ZSCAN12: variants seen among roughly 807,000 people sequenced by gnomAD.
ZSCAN12 encodes the protein zinc finger and SCAN domain-containing protein 12.
In ZSCAN12, 18 loss-of-function variants were observed where a neutral mutation model predicts 23.4. The ratio of observed to expected loss-of-function variants is 0.77; its 90% CI spans 0.53 to 1.14. ZSCAN12 has a LOEUF of 1.14. Ranked by LOEUF, ZSCAN12 falls within the 50% of genes most tolerant of loss-of-function variation. The pLI, the probability that ZSCAN12 is intolerant of heterozygous loss-of-function variation, is 0.00. For synonymous variants in ZSCAN12, 186 were observed against 253.4 expected, an observed-to-expected ratio of 0.73 and a Z score of 2.53; for missense variants, 650 against 735.0, an observed-to-expected ratio of 0.88 and a Z score of 1.34.
intron 1 of ZSCAN12, 23 bp downstream of exon 1, chr6:28,399,634 G>C (rs973905311): frequency 3.3e-5 from 5 of 152,554 alleles, no homozygotes; most frequent in African/African-American, 1.2e-4. Flanking sequence ...TGCTCGCAGC[G>C]TACAGAGCAC....
downstream of ZSCAN12, among the ~76,000 whole-genome samples, chr6:28,383,132 T>A (rs1182969279): frequency 1.1e-5 from 1 of 91,716 alleles, no homozygotes; most frequent in Admixed American, 1.1e-4. Context: ...AGGTGGATTC[T>A]GTCTTTTCTT....
chr6:28,390,787 CTTATCACAT>C lies in ZSCAN12; in HGVS notation c.1494_1502del (p.Asp500_Cys502del). ...ATCTTTGAGTAAACGCCTTCCCACA[CTTATCACAT>C]TTATAGGGTCTTTCTCCAGTGTGAA... On this transcript the variant is annotated inframe_deletion, in exon 4 of 4. Transcript: ENST00000684592. The C allele has an allele frequency of 8.1e-6, 13 of 1,603,236 alleles. No individual in the cohort carries two copies. Among genetic ancestry groups the C allele is most frequent in the Non-Finnish European group, 1.1e-5 (13 of 1,174,366 alleles).
rs1160495082 is a variant in ZSCAN12, at chr6:28,399,652, C to T, written c.-69+5G>A. The T allele has an allele frequency of 6.6e-6, 1 of 152,578 alleles. No individual in the cohort carries two copies. The highest frequency in any genetic ancestry group is 1.5e-5 in the Non-Finnish European group (1 of 68,316). The allele number at this position is 152,578 out of a possible 1,614,324, so 9.5% of individuals were successfully genotyped here. ...TCGCAGCGTACAGAGCACAACATCG[C>T]TCACCTGCGGCCCCCAGGGCCAGAA... On this transcript the variant is annotated splice_donor_5th_base_variant and intron_variant, in intron 1 of 3. Transcript: ENST00000684592.
Position 28,386,124 on chromosome 6 carries a change from G to A in ZSCAN12, c.*4330C>T, listed in dbSNP as rs1232828572. ...GGAATCAGTTTGATTGTCAGGTTAC[G>A]TTTTCATTCATAGCCCGTGTTGAAA... On this transcript the variant is annotated 3_prime_UTR_variant, in exon 4 of 4. Coordinates refer to ENST00000684592, the MANE Select transcript of ZSCAN12 (RefSeq NM_001163391.2). 1.3e-5 allele frequency among the ~76,000 whole-genome samples: 2 copies of A among 152,082 alleles called. No homozygotes were observed. Among genetic ancestry groups the A allele is most frequent in the African/African-American group, 2.4e-5 (1 of 41,386 alleles).
At chr6:28,399,522 CT>C (rs1761305515) in intron 1 of ZSCAN12, 134 bp downstream of exon 1, 1 of 152,424 alleles carries the variant, frequency 6.6e-6, no homozygotes, top group African/African-American at 2.4e-5. Flanking sequence ...GGAGGGAGAG[CT>C]TCCCGCGGAT....
At chr6:28,381,192 AG>A (rs1760216689), downstream of ZSCAN12, 2 of 152,260 alleles carry the variant, frequency 1.3e-5, no homozygotes, top group Non-Finnish European at 2.9e-5. Flanking sequence ...CTGAGAAACA[AG>A]GAATATCATG....
rs1465794292 is a variant in ZSCAN12 at position 28,390,560 on chromosome 6, C to CT, written c.1729dup (p.Arg577LysfsTer8). 1 of 1,582,572 alleles carries CT rather than the reference C, an allele frequency of 6.3e-7. No homozygotes were observed. The highest frequency in any genetic ancestry group is 1.8e-5 in the Admixed American group (1 of 54,452). ...CTCTTTACATACATAGGTACCACGTCTATTATGGATTCTCTGGTGTTTACT... is the reference window on the plus strand; with the variant it reads ...CTCTTTACATACATAGGTACCACGTCTTATTATGGATTCTCTGGTGTTTACT... On this transcript the variant is annotated frameshift_variant, in exon 4 of 4. Coordinates refer to ENST00000684592, the MANE Select transcript of ZSCAN12 (RefSeq NM_001163391.2). LOFTEE classifies it low-confidence loss of function (END_TRUNC).
At position 28,389,804 on chromosome 6, in the gene ZSCAN12, G is replaced by A. The variant is rs1760724606; in HGVS notation, c.*650C>T. On this transcript the variant is annotated 3_prime_UTR_variant, in exon 4 of 4. Coordinates refer to ENST00000684592, the MANE Select transcript of ZSCAN12 (RefSeq NM_001163391.2). ...TGGAGAATGCTTTTGATTTACCAAG[G>A]TATTTTAGGAATTGAGAAAAGTGCT... Among the ~76,000 whole-genome samples the A allele has an allele frequency of 6.6e-6, 1 of 152,160 alleles. No individual in the cohort carries two copies. The highest frequency in any genetic ancestry group is 6.5e-5 in the Admixed American group (1 of 15,268).
At position 28,390,479 on chromosome 6, in the gene ZSCAN12, T is replaced by C; in HGVS notation, c.1811A>G (p.Lys604Arg). Residue 604 changes from lysine to arginine, a missense_variant, in exon 4 of 4, where the codon AAA becomes AGA. Lys to Arg is a conservative substitution (Grantham distance 26). Transcript: ENST00000684592. ...SALTQHQTIH[K>R]GEKSVSV is the part of the protein sequence containing the mutation. ...TCACACAGAAACAGATTTTTCTCCTTTGTGGATAGTCTGATGTTGAGTAAG... is the reference window on the plus strand; with the variant it reads ...TCACACAGAAACAGATTTTTCTCCTCTGTGGATAGTCTGATGTTGAGTAAG... 2 of 1,547,056 alleles carry C rather than the reference T, an allele frequency of 1.3e-6. No individual in the cohort carries two copies. Among genetic ancestry groups the C allele is most frequent in the Non-Finnish European group, 1.7e-6 (2 of 1,144,990 alleles).
At chr6:28,398,702 G>T (rs913313152) in intron 1 of ZSCAN12, among the ~76,000 whole-genome samples, 1 of 150,554 alleles carries the variant, frequency 6.6e-6, no homozygotes, top group Non-Finnish European at 1.5e-5. Flanking sequence ...CGGATCACGA[G>T]GTCAGGAGAT....
chr6:28,396,766 G>A (rs1006517699), intron 2 of ZSCAN12, among the ~76,000 whole-genome samples: 1 of 151,886 alleles, frequency 6.6e-6, no homozygotes, highest in African/African-American at 2.4e-5. Flanking sequence ...TGCCACACCC[G>A]GCTGACTTTT....
downstream of ZSCAN12, chr6:28,381,210 A>G (rs887774854): frequency 6.6e-6 from 1 of 152,262 alleles, no homozygotes; most frequent in Non-Finnish European, 1.5e-5. Flanking sequence ...CATGAAACCA[A>G]GAGAAAGTTT....
rs984066787 is a variant in ZSCAN12 at position 28,386,920 on chromosome 6, C to A, written c.*3534G>T. On this transcript the variant is annotated 3_prime_UTR_variant, in exon 4 of 4. Coordinates refer to ENST00000684592, the MANE Select transcript of ZSCAN12 (RefSeq NM_001163391.2). The stretch of plus-strand genomic sequence containing the variant: ...TCAGCTCACTGCAACCTCCACCTCC[C>A]GGATTCAAGCGATTCTCCTGCCTCA... Among the ~76,000 whole-genome samples the A allele has an allele frequency of 4.6e-5, 7 of 152,178 alleles. No homozygotes were observed. The highest frequency in any genetic ancestry group is 3.9e-4 in the East Asian group (2 of 5,184).
rs1255862195 is a variant in ZSCAN12 at position 28,390,876 on chromosome 6, C to G, written c.1414G>C (p.Asp472His). The G allele has an allele frequency of 3.8e-6, 6 of 1,574,482 alleles. No individual in the cohort carries two copies. The Admixed American group carries it at 9.4e-5, about 25-fold the overall frequency. ...IHTGEKPYKC[D>H]VCEKAFIQRT... ...TGAATAAAGGCTTTTTCACATACGT[C>G]ACATTTGTAGGGTTTTTCCCCAGTG... Residue 472 changes from aspartate (D) to histidine (H), a missense_variant, in exon 4 of 4, where the codon GAC becomes CAC. Coordinates refer to ENST00000684592, the MANE Select transcript of ZSCAN12 (RefSeq NM_001163391.2).
At chr6:28,383,691 G>A (rs983373504), downstream of ZSCAN12, among the ~76,000 whole-genome samples, 4 of 152,172 alleles carry the variant, frequency 2.6e-5, no homozygotes, top group East Asian at 1.9e-4. Flanking sequence ...ACTAACAGGG[G>A]CGGAGACAAA....
At chr6:28,382,442 G>A (rs370871253), downstream of ZSCAN12, 7 of 1,526,548 alleles carry the variant, frequency 4.6e-6, no homozygotes, top group African/African-American at 9.8e-5. Flanking sequence ...TTGCCAGCCT[G>A]ATTCTTTGTT....
At chr6:28,383,309 C>T (rs1459258612), downstream of ZSCAN12, among the ~76,000 whole-genome samples, 5 of 152,204 alleles carry the variant, frequency 3.3e-5, no homozygotes, top group Non-Finnish European at 5.9e-5. Context: ...CAGCTCTCAA[C>T]CTATCAGGCC....
At chr6:28,392,531 A>T (rs1224604167) in intron 3 of ZSCAN12, among the ~76,000 whole-genome samples, 1 of 152,060 alleles carries the variant, frequency 6.6e-6, no homozygotes, top group Non-Finnish European at 1.5e-5. Flanking sequence ...ACCATCTGAA[A>T]GTTAGTTGCA....
intron 1 of ZSCAN12, among the ~76,000 whole-genome samples, chr6:28,398,787 G>T (rs2114005245): frequency 6.9e-6 from 1 of 145,868 alleles, no homozygotes; most frequent in African/African-American, 2.5e-5. Context: ...AAAAAAATTA[G>T]CCGGGCGTGA....
Sources: allele counts gnomAD v4.1 joint callset (sites outside exome capture counted in the v4.1 genomes callset), GRCh38; gene constraint gnomAD v4.1.1; transcripts MANE v1.5; gene names NCBI Gene and HGNC (gene_info 2026-07-23, HGNC 2026-07-21).